LDB2: variants seen among roughly 807,000 people sequenced by gnomAD.
The protein encoded by LDB2 is LIM domain binding 2, also known as LIM domain-binding protein 2.
Under a neutral mutation model 44.3 loss-of-function variants are expected in LDB2, and 12 were observed. That is an observed-to-expected ratio of 0.27 (90% confidence interval 0.17 to 0.44). LDB2 has a LOEUF of 0.44. Among genes scored for constraint, LDB2 ranks in the 20% least tolerant of loss-of-function variants. LDB2 has a pLI of 1.00. For missense variants in LDB2, 344 were observed against 473.5 expected (o/e 0.73, Z 2.54); for synonymous variants, 164 against 174.8 (o/e 0.94, Z 0.49).
intron 2 of LDB2, among the ~76,000 whole-genome samples, chr4:16,734,356 G>GAATA (rs1579167624): frequency 6.6e-6 from 1 of 152,170 alleles, no homozygotes; most frequent in African/African-American, 2.4e-5. Context: ...ATGAATGAAT[G>GAATA]AATGGAAATG....
intron 2 of LDB2, among the ~76,000 whole-genome samples, chr4:16,722,658 TC>T (rs1452804527): frequency 6.6e-6 from 1 of 152,170 alleles, no homozygotes. Flanking sequence ...ACTGTCTTTA[TC>T]CAATCTTTCT....
chr4:16,657,926 T>C (rs1740393919), intron 2 of LDB2, among the ~76,000 whole-genome samples: 1 of 152,210 alleles, frequency 6.6e-6, no homozygotes, highest in African/African-American at 2.4e-5. Flanking sequence ...CTACAGAAAA[T>C]AAGAAAGACA....
chr4:16,742,951 G>A (rs543254854), intron 2 of LDB2, among the ~76,000 whole-genome samples: 1 of 152,196 alleles, frequency 6.6e-6, no homozygotes, highest in East Asian at 1.9e-4. Flanking sequence ...AGCAGGAAAT[G>A]ACTTCTGTTT....
intron 1 of LDB2, among the ~76,000 whole-genome samples, chr4:16,780,405 T>C (rs1320881733): frequency 6.6e-6 from 1 of 152,104 alleles, no homozygotes; most frequent in Non-Finnish European, 1.5e-5. Flanking sequence ...GTATTTTTGG[T>C]ACTGATGGAG....
In LDB2 at chr4:16,888,546, AAACTC is replaced by A. The variant is rs1157363127; in HGVS notation, c.132+9803_132+9807del. 3 of 191,716 alleles carry A rather than the reference AAACTC, an allele frequency of 1.6e-5. No homozygotes were observed. The Admixed American group carries it at 2.0e-4, about 13-fold the overall frequency. 11.9% of individuals were successfully genotyped at this position (191,716 alleles called of 1,614,324 possible). A position where few individuals can be genotyped will look rare whatever the true frequency, so the allele number is the denominator to read the frequency against. ...TTGGCATTATCACACGAGAACAACC[AAACTC>A]AAGAGTCCTAGATCATGTTATTGCA... On this transcript the variant is annotated intron_variant, in intron 1 of 7. Transcript: ENST00000304523.
intron 2 of LDB2, among the ~76,000 whole-genome samples, chr4:16,744,179 C>T (rs1763909647): frequency 6.7e-6 from 1 of 148,408 alleles, no homozygotes; most frequent in South Asian, 2.1e-4. Context: ...TTGTTTTAGA[C>T]ACAGTCTCAC....
At chr4:16,701,908 T>C (rs1162334767) in intron 2 of LDB2, among the ~76,000 whole-genome samples, 4 of 152,232 alleles carry the variant, frequency 2.6e-5, no homozygotes, top group Non-Finnish European at 5.9e-5. Context: ...AGTAAACACC[T>C]ACACAAGCTA....
chr4:16,827,185 C>G (rs1783207279), intron 1 of LDB2, among the ~76,000 whole-genome samples: 1 of 152,132 alleles, frequency 6.6e-6, no homozygotes, highest in Non-Finnish European at 1.5e-5. Context: ...TCATGGATAT[C>G]TCCTTGAAGG....
chr4:16,654,336 C>G (rs1739145320), intron 2 of LDB2, among the ~76,000 whole-genome samples: 1 of 152,056 alleles, frequency 6.6e-6, no homozygotes, highest in Admixed American at 6.5e-5. Context: ...CTGTGCTACC[C>G]CATCCGAATC....
intron 1 of LDB2, among the ~76,000 whole-genome samples, chr4:16,813,594 A>G (rs901260161): frequency 2.6e-5 from 4 of 152,092 alleles, no homozygotes; most frequent in Admixed American, 6.5e-5. Flanking sequence ...GATATTTTTC[A>G]TTTACAAAAC....
intron 2 of LDB2, among the ~76,000 whole-genome samples, chr4:16,752,897 A>G (rs1023095939): frequency 1.3e-5 from 2 of 151,718 alleles, no homozygotes; most frequent in African/African-American, 4.8e-5. Flanking sequence ...AAAAAAAAAG[A>G]AGGAGGAATG....
At chr4:16,702,168 A>C (rs1314529018) in intron 2 of LDB2, among the ~76,000 whole-genome samples, 2 of 152,236 alleles carry the variant, frequency 1.3e-5, no homozygotes, top group Non-Finnish European at 2.9e-5. Context: ...TGAGGAGAAA[A>C]GAAGTCCTTG....
At chr4:16,854,502 A>AACAC (rs760743305) in intron 1 of LDB2, among the ~76,000 whole-genome samples, 14 of 65,686 alleles carry the variant, frequency 2.1e-4, no homozygotes, top group Non-Finnish European at 2.9e-4. Flanking sequence ...TTTAAATATA[A>AACAC]ATACACACAC....
At chr4:16,751,366 C>G (rs1765462054) in intron 2 of LDB2, among the ~76,000 whole-genome samples, 1 of 152,268 alleles carries the variant, frequency 6.6e-6, no homozygotes, top group South Asian at 2.1e-4. Context: ...ATTCAAAGCA[C>G]TTTTCTGTCC....
chr4:16,766,273 GT>G (rs913797183), intron 1 of LDB2, among the ~76,000 whole-genome samples: 1 of 151,198 alleles, frequency 6.6e-6, no homozygotes, highest in Non-Finnish European at 1.5e-5. Flanking sequence ...GTCCTATTTT[GT>G]TTTTAATATT....
chr4:16,880,170 T>C (rs1258409896), intron 1 of LDB2, among the ~76,000 whole-genome samples: 2 of 152,182 alleles, frequency 1.3e-5, no homozygotes, highest in Non-Finnish European at 2.9e-5. Flanking sequence ...TGTATCTTAA[T>C]GACAGAAGAG....
At chr4:16,805,479 T>C (rs1466235508) in intron 1 of LDB2, among the ~76,000 whole-genome samples, 7 of 152,180 alleles carry the variant, frequency 4.6e-5, no homozygotes, top group Admixed American at 4.6e-4. Flanking sequence ...TTATTCAGGG[T>C]GTCCAGTGTC....
intron 1 of LDB2, among the ~76,000 whole-genome samples, chr4:16,846,526 G>C (rs1383753855): frequency 6.6e-6 from 1 of 152,140 alleles, no homozygotes; most frequent in African/African-American, 2.4e-5. Context: ...ATGGAAATCA[G>C]ACTTTTGAAG....
At chr4:16,837,165 C>T (rs1266628591) in intron 1 of LDB2, among the ~76,000 whole-genome samples, 4 of 152,194 alleles carry the variant, frequency 2.6e-5, no homozygotes, top group Non-Finnish European at 4.4e-5. Context: ...AGTTTTCTCA[C>T]AACACAGAAT....
Sources: gnomAD v4.1 joint callset for allele counts (sites outside exome capture counted in the v4.1 genomes callset) on GRCh38, gnomAD v4.1.1 for gene constraint, MANE v1.5 for transcripts, NCBI Gene and HGNC (gene_info 2026-07-23, HGNC 2026-07-21) for gene names.